The following CD47 variants were observed in gnomAD, a reference collection of about 807,000 sequenced individuals.
CD47 encodes the protein leukocyte surface antigen CD47.
In CD47, 11 loss-of-function variants were observed where a neutral mutation model predicts 44.6. That is an observed-to-expected ratio of 0.25 (90% CI 0.16 to 0.41). The LOEUF (loss-of-function observed/expected upper bound fraction) is 0.41. Ranked by LOEUF, CD47 falls within the 10% of genes least tolerant of loss-of-function variation. The probability of loss-of-function intolerance (pLI) is 1.00; values close to 1 mark genes in which losing one functional copy is unlikely to be tolerated. For synonymous variants in CD47, 140 were observed against 136.3 expected (o/e 1.03, Z -0.19); for missense variants, 306 against 386.7 (o/e 0.79, Z 1.75).
chr3:108,044,413 G>T lies in CD47; in HGVS notation c.*2875C>A, dbSNP rs2078680142. The T allele has an allele frequency of 4.6e-5, 3 of 64,838 alleles. No individual in the cohort carries two copies. Among genetic ancestry groups the T allele is most frequent in the East Asian group, 5.5e-4 (1 of 1,832 alleles). The allele number at this position is 64,838 out of a possible 1,614,324, so 4.0% of individuals were successfully genotyped here. A position where few individuals can be genotyped will look rare whatever the true frequency, so the allele number is the denominator to read the frequency against. On this transcript the variant is annotated 3_prime_UTR_variant, in exon 11 of 11. Coordinates refer to ENST00000361309, the MANE Select transcript of CD47 (RefSeq NM_001777.4). Reference sequence around the variant, plus strand: ...AAGGTTTTTAGAGCATGTGAAATTAGTCAAAAAAAAAAAAAAAAAAAAAAA... The same window carrying T: ...AAGGTTTTTAGAGCATGTGAAATTATTCAAAAAAAAAAAAAAAAAAAAAAA...
intron 7 of CD47, chr3:108,053,531 G>A (rs1298065348): frequency 6.6e-6 from 1 of 152,442 alleles, no homozygotes; most frequent in Non-Finnish European, 1.5e-5. Context: ...GAGCTAGCTG[G>A]CTAATAGGCA....
At chr3:108,056,659 C>T (rs562271679) in intron 7 of CD47, among the ~76,000 whole-genome samples, 141 of 152,004 alleles carry the variant, frequency 9.3e-4, no homozygotes, top group Non-Finnish European at 9.9e-4. Flanking sequence ...TTTTAAAAAA[C>T]GGAAACTAAT....
In CD47 at chr3:108,050,563, GA is replaced by G; in HGVS notation, c.934+14del. 1 of 1,187,372 alleles carries G rather than the reference GA, an allele frequency of 8.4e-7. No individual in the cohort carries two copies. Among genetic ancestry groups the G allele is most frequent in the Non-Finnish European group, 1.2e-6 (1 of 820,056 alleles). The allele number at this position is 1,187,372 out of a possible 1,614,324, so 73.6% of individuals were successfully genotyped here. On this transcript the variant is annotated intron_variant, in intron 9 of 10. Coordinates refer to ENST00000361309, the MANE Select transcript of CD47 (RefSeq NM_001777.4). ...TATGATCTGGTAAAGGATTAAGAGT[GA>G]AATAACCACATACCATTAAGGGGTT...
chr3:108,061,027 G>A (rs1048851490), intron 3 of CD47, among the ~76,000 whole-genome samples, 175 bp from the exon 4 acceptor site: 2 of 151,616 alleles, frequency 1.3e-5, no homozygotes, highest in Non-Finnish European at 2.9e-5. Context: ...AATGGATAAC[G>A]TCACGGCAGT....
At position 108,080,071 on chromosome 3, in the gene CD47, G is replaced by A. The variant is rs1216301301; in HGVS notation, c.320C>T (p.Ser107Leu). Residue 107 changes from serine to leucine, a missense_variant, in exon 2 of 11, where the codon TCA (serine) becomes TTA (leucine). Around this residue, in one of 5 missense-constraint regions of CD47, gnomAD observed 47 missense variants for 36.2 expected, o/e 1.30. Transcript: ENST00000361309. Reference sequence around the variant, plus strand: ...TTCACAAGTGTAGTTTCCTGTGTGTGAGACAGCATCACTCTTATCCATCTT... The same window carrying A: ...TTCACAAGTGTAGTTTCCTGTGTGTAAGACAGCATCACTCTTATCCATCTT... ...SLKMDKSDAV[S>L]HTGNYTCEVT... 1 of 1,613,062 alleles carries A rather than the reference G, an allele frequency of 6.2e-7. No homozygotes were observed. Among genetic ancestry groups the A allele is most frequent in the Non-Finnish European group, 8.5e-7 (1 of 1,179,230 alleles).
chr3:108,053,301 T>C (rs2078860881), intron 7 of CD47: 1 of 152,284 alleles, frequency 6.6e-6, no homozygotes, highest in African/African-American at 2.4e-5. Context: ...CTGGTGAGTC[T>C]TTCTCAAACA....
intron 7 of CD47, chr3:108,054,708 T>C (rs1470698521): frequency 1.3e-5 from 2 of 152,236 alleles, no homozygotes; most frequent in Non-Finnish European, 2.9e-5. Flanking sequence ...ATACCAAATT[T>C]ACCTCTCCTT....
chr3:108,053,285 C>CAA (rs2078860760), intron 7 of CD47: 2 of 152,216 alleles, frequency 1.3e-5, no homozygotes, highest in African/African-American at 4.8e-5. Context: ...GTGAGCCAGC[C>CAA]AAAAGCTGGT....
chr3:108,066,418 A>G (rs1273731075), intron 3 of CD47, among the ~76,000 whole-genome samples: 1 of 152,232 alleles, frequency 6.6e-6, no homozygotes, highest in Admixed American at 6.5e-5. Flanking sequence ...TAACTGAGTA[A>G]CTGCATAAAG....
rs745531439 is a variant in CD47 at position 108,080,016 on chromosome 3, C to T, written c.375G>A (p.Thr125=). The T allele has an allele frequency of 2.5e-6, 4 of 1,608,680 alleles. No homozygotes were observed. Among genetic ancestry groups the T allele is most frequent in the South Asian group, 1.1e-5 (1 of 90,586 alleles). The change falls in exon 2 of 11, where the codon ACG becomes ACA. Residue 125 remains threonine, a synonymous_variant. Coordinates refer to ENST00000361309, the MANE Select transcript of CD47 (RefSeq NM_001777.4). Reference sequence around the variant, plus strand: ...CAACACGATATTTTAGCTCGATGATCGTTTCACCTTCTCTGGTTAATTCTG... The same window carrying T: ...CAACACGATATTTTAGCTCGATGATTGTTTCACCTTCTCTGGTTAATTCTG... ...EVTELTREGE[T]IIELKYRVVS...
rs1195324138 is a variant in CD47, at chr3:108,091,023, C to T, written c.-115G>A. 4 of 609,100 alleles carry T rather than the reference C, an allele frequency of 6.6e-6. No individual in the cohort carries two copies. The highest frequency in any genetic ancestry group is 3.9e-5 in the East Asian group (1 of 25,916). The allele number at this position is 609,100 out of a possible 1,614,324, so 37.7% of individuals were successfully genotyped here. A position where few individuals can be genotyped will look rare whatever the true frequency, so the allele number is the denominator to read the frequency against. The stretch of plus-strand genomic sequence containing the variant: ...GCGCGTCACAGGCAGGACCCACTGC[C>T]CAGGCTGCACGGCCGCGCGCACGCG... On this transcript the variant is annotated 5_prime_UTR_variant, in exon 1 of 11. Transcript: ENST00000361309.
At chr3:108,075,268 G>A (rs2079288923) in intron 2 of CD47, among the ~76,000 whole-genome samples, 1 of 152,150 alleles carries the variant, frequency 6.6e-6, no homozygotes, top group Admixed American at 6.5e-5. Context: ...GATATTACAA[G>A]GGTGTAGTCA....
intron 1 of CD47, among the ~76,000 whole-genome samples, chr3:108,085,174 T>C (rs952152005): frequency 2.6e-5 from 4 of 152,060 alleles, no homozygotes; most frequent in African/African-American, 9.7e-5. Flanking sequence ...GCAAATGCAC[T>C]CTCATCCCCA....
intron 3 of CD47, among the ~76,000 whole-genome samples, chr3:108,070,841 T>G (rs756661961): frequency 5.3e-5 from 8 of 152,082 alleles, no homozygotes; most frequent in Admixed American, 2.6e-4. Flanking sequence ...GTACTAATAT[T>G]CCTACTATTC....
intron 3 of CD47, among the ~76,000 whole-genome samples, chr3:108,070,127 C>T (rs963332262): frequency 3.3e-5 from 5 of 152,124 alleles, no homozygotes; most frequent in African/African-American, 1.2e-4. Flanking sequence ...CATGTTTATA[C>T]ACCACCATAG....
intron 7 of CD47, chr3:108,053,445 C>A: frequency 6.6e-6 from 1 of 152,350 alleles, no homozygotes. Context: ...AAGGATGAGT[C>A]CAAAGCTGTA....
At position 108,044,045 on chromosome 3, in the gene CD47, G is replaced by A. The variant is rs896790113; in HGVS notation, c.*3243C>T. 6.5e-6 allele frequency: 1 copy of A among 152,708 alleles called. No individual in the cohort carries two copies. Among genetic ancestry groups the A allele is most frequent in the African/African-American group, 2.4e-5 (1 of 41,566 alleles). 9.5% of individuals were successfully genotyped at this position (152,708 alleles called of 1,614,324 possible). A position where few individuals can be genotyped will look rare whatever the true frequency, so the allele number is the denominator to read the frequency against. On this transcript the variant is annotated 3_prime_UTR_variant, in exon 11 of 11. Transcript: ENST00000361309. ...TACAATAAAAAATAAACGGTTGCCCGACAATCATTTCTCCAGTTTCCAACA... is the reference window on the plus strand; with the variant it reads ...TACAATAAAAAATAAACGGTTGCCCAACAATCATTTCTCCAGTTTCCAACA...
chr3:108,068,737 G>T (rs1185471416), intron 3 of CD47, among the ~76,000 whole-genome samples: 1 of 152,142 alleles, frequency 6.6e-6, no homozygotes, highest in Admixed American at 6.5e-5. Context: ...TGTCATTTCA[G>T]ATATAGAGTA....
At chr3:108,084,733 A>G (rs1462662114) in intron 1 of CD47, among the ~76,000 whole-genome samples, 1 of 152,108 alleles carries the variant, frequency 6.6e-6, no homozygotes, top group Non-Finnish European at 1.5e-5. Flanking sequence ...CCAGTGAACC[A>G]GACCTGGACC....
Sources: gnomAD v4.1 joint callset for allele counts (sites outside exome capture counted in the v4.1 genomes callset) on GRCh38, gnomAD v4.1.1 for gene constraint, gnomAD v4.1.1 regional missense constraint, MANE v1.5 for transcripts, NCBI Gene and HGNC (gene_info 2026-07-23, HGNC 2026-07-21) for gene names.